Variants in METAP1 observed in about 807,000 individuals in gnomAD.
The protein encoded by METAP1 is methionyl aminopeptidase 1.
In METAP1, 28 loss-of-function variants were observed where a neutral mutation model predicts 53.8. The observed-to-expected ratio is 0.52, with a 90% CI of 0.39 to 0.71. METAP1 has a LOEUF of 0.71. Ranked by LOEUF, METAP1 falls within the 30% of genes least tolerant of loss-of-function variation. The pLI is 0.00. For missense variants in METAP1, 389 were observed against 479.8 expected (o/e 0.81, Z 1.77); for synonymous variants, 181 against 165.7 (o/e 1.09, Z -0.71).
chr4:99,009,634 C>T (rs1419304979), intron 1 of METAP1, among the ~76,000 whole-genome samples: 1 of 152,058 alleles, frequency 6.6e-6, no homozygotes, highest in African/African-American at 2.4e-5. Flanking sequence ...ATGTTGAGCA[C>T]GTTTCATATG....
chr4:99,052,806 G>T (rs1362560998), intron 9 of METAP1, among the ~76,000 whole-genome samples: 1 of 152,210 alleles, frequency 6.6e-6, no homozygotes, highest in Non-Finnish European at 1.5e-5. Context: ...TCTGTAGCTT[G>T]TGATATTGTT....
chr4:99,026,386 TTG>T, intron 1 of METAP1: 1 of 985,422 alleles, frequency 1.0e-6, no homozygotes, highest in Non-Finnish European at 1.2e-6. Context: ...CATGTTAAGC[TTG>T]TGTGTGGAGT....
Position 99,048,795 on chromosome 4 carries a change from G to A in METAP1, c.850G>A (p.Gly284Arg), listed in dbSNP as rs767490955. Residue 284 changes from glycine to arginine, a missense_variant, in exon 9 of 11, where the codon GGG becomes AGG. By Grantham distance (125) the Gly-to-Arg change is moderately radical. Coordinates refer to ENST00000296411, the MANE Select transcript of METAP1 (RefSeq NM_015143.3). ...NIIQKHAQANGFSVVRSYCGH... is the reference protein window; with the variant it reads ...NIIQKHAQANRFSVVRSYCGH... The stretch of plus-strand genomic sequence containing the variant: ...TATCCAGAAGCATGCCCAAGCAAAT[G>A]GGTTTTCAGTTGTTCGAAGCTATTG... The A allele has an allele frequency of 1.2e-6, 2 of 1,613,956 alleles. No individual in the cohort carries two copies. Among genetic ancestry groups the A allele is most frequent in the Non-Finnish European group, 1.7e-6 (2 of 1,179,856 alleles).
At chr4:99,059,317 A>T (rs1055710809) in intron 10 of METAP1, among the ~76,000 whole-genome samples, 1 of 152,252 alleles carries the variant, frequency 6.6e-6, no homozygotes, top group Admixed American at 6.5e-5. Flanking sequence ...CAATAAAATT[A>T]CAGTAGTAAT....
chr4:99,029,839 G>A (rs1724865683), intron 2 of METAP1, among the ~76,000 whole-genome samples: 1 of 151,906 alleles, frequency 6.6e-6, no homozygotes, highest in Non-Finnish European at 1.5e-5. Flanking sequence ...GAAGGAACAG[G>A]GAAATACAAA....
chr4:98,995,870 A>G lies in METAP1; in HGVS notation c.114+3A>G, dbSNP rs1722590350. The G allele has an allele frequency of 2.6e-6, 4 of 1,537,312 alleles. No individual in the cohort carries two copies. Among genetic ancestry groups the G allele is most frequent in the East Asian group, 2.5e-5 (1 of 39,256 alleles). ...AGGGCTCGTACTTCTGCTCGCAGGT[A>G]GGCGCCCGCTGCCCCGCGGATATGC... is the stretch of plus-strand genomic sequence containing the variant. On this transcript the variant is annotated splice_donor_region_variant and intron_variant, in intron 1 of 10. Transcript: ENST00000296411.
chr4:98,996,734 T>G (rs1434875339), intron 1 of METAP1, among the ~76,000 whole-genome samples: 2 of 152,212 alleles, frequency 1.3e-5, no homozygotes, highest in Non-Finnish European at 2.9e-5. Flanking sequence ...TGAAGAGTAC[T>G]AGTGTTGCTG....
Position 99,013,778 on chromosome 4 carries a change from G to A in METAP1, c.115-15089G>A, listed in dbSNP as rs567022958. Among the ~76,000 whole-genome samples the A allele has an allele frequency of 5.3e-5, 8 of 152,340 alleles. No homozygotes were observed. In the South Asian group the frequency reaches 8.3e-4, roughly 16 times the overall value. ...CCAAATAAGGAATGGCATGTATCCT[G>A]ATCTGGGACTCATTTAGCCTTATCT... On this transcript the variant is annotated intron_variant, in intron 1 of 10. Coordinates refer to ENST00000296411, the MANE Select transcript of METAP1 (RefSeq NM_015143.3).
intron 8 of METAP1, among the ~76,000 whole-genome samples, chr4:99,047,476 C>T (rs1003287115): frequency 3.3e-5 from 5 of 152,108 alleles, no homozygotes; most frequent in African/African-American, 1.2e-4. Context: ...ATAGGAAGGC[C>T]TGGATAGGAA....
Position 99,004,634 on chromosome 4 carries a change from C to T in METAP1, c.114+8767C>T, listed in dbSNP as rs377155468. ...GGAAAACAAGTGAAAACAGAAGGCTCCTTTTTCTTTGTCCCTCATCCAAGA... is the reference window on the plus strand; with the variant it reads ...GGAAAACAAGTGAAAACAGAAGGCTTCTTTTTCTTTGTCCCTCATCCAAGA... On this transcript the variant is annotated intron_variant, in intron 1 of 10. Transcript: ENST00000296411. Among the ~76,000 whole-genome samples, 5 of 152,202 alleles carry T rather than the reference C, an allele frequency of 3.3e-5. No individual in the cohort carries two copies. In the East Asian group the frequency reaches 7.7e-4, roughly 23 times the overall value.
intron 1 of METAP1, among the ~76,000 whole-genome samples, chr4:99,011,255 TTCTG>T (rs1396081722): frequency 1.3e-5 from 2 of 152,196 alleles, no homozygotes; most frequent in African/African-American, 4.8e-5. Context: ...ATGAAAAGCT[TTCTG>T]TCTTTCACCA....
At position 99,035,422 on chromosome 4, in the gene METAP1, G is replaced by A; in HGVS notation, c.302G>A (p.Ser101Asn). The A allele has an allele frequency of 6.5e-7, 1 of 1,548,948 alleles. No homozygotes were observed. The highest frequency in any genetic ancestry group is 8.7e-7 in the Non-Finnish European group (1 of 1,144,674). The stretch of plus-strand genomic sequence containing the variant: ...TAGATGCCAACAAGGCCAGTGCCAA[G>A]TTATATTCAAAGACCAGATTATGCT... ...YPLMPTRPVP[S>N]YIQRPDYADH... Residue 101 changes from serine (S) to asparagine (N), a missense_variant, in exon 4 of 11, where the codon AGT (serine) becomes AAT (asparagine). Physicochemically the swap from Ser to Asn is conservative, Grantham distance 46. Transcript: ENST00000296411.
intron 1 of METAP1, among the ~76,000 whole-genome samples, chr4:99,013,624 T>C (rs1723596039): frequency 6.6e-6 from 1 of 152,208 alleles, no homozygotes; most frequent in African/African-American, 2.4e-5. Context: ...CCCGTTCCCA[T>C]TGGCTGGGAT....
intron 9 of METAP1, 127 bp from the exon 10 acceptor site, chr4:99,057,626 A>G: frequency 1.4e-6 from 1 of 691,926 alleles, no homozygotes; most frequent in Non-Finnish European, 2.4e-6. Context: ...AACTTTAAGA[A>G]AGGGAATCAG....
At chr4:99,029,471 C>G (rs1394458241) in intron 2 of METAP1, among the ~76,000 whole-genome samples, 1 of 152,144 alleles carries the variant, frequency 6.6e-6, no homozygotes. Context: ...ACTGATGTAG[C>G]TGAGATTCAC....
intron 4 of METAP1, among the ~76,000 whole-genome samples, chr4:99,038,913 C>A (rs1399784367): frequency 1.3e-5 from 2 of 152,040 alleles, no homozygotes; most frequent in African/African-American, 4.8e-5. Context: ...TTAAGTGTAG[C>A]CTAATAAAAG....
intron 9 of METAP1, among the ~76,000 whole-genome samples, chr4:99,052,670 A>G (rs1420396366): frequency 6.6e-6 from 1 of 152,210 alleles, no homozygotes; most frequent in African/African-American, 2.4e-5. Flanking sequence ...ACTGGGAATT[A>G]CATTTCAACA....
chr4:99,017,240 C>T (rs1467742479), intron 1 of METAP1, among the ~76,000 whole-genome samples: 2 of 152,220 alleles, frequency 1.3e-5, no homozygotes, highest in African/African-American at 4.8e-5. Flanking sequence ...TTCATCAGGC[C>T]TCTGTCTGCC....
At chr4:99,013,220 A>G (rs760661444) in intron 1 of METAP1, among the ~76,000 whole-genome samples, 3 of 152,156 alleles carry the variant, frequency 2.0e-5, no homozygotes, top group South Asian at 4.1e-4. Context: ...CACATGTAAG[A>G]TTAATTTCAT....
Sources: gnomAD v4.1 joint callset for allele counts (sites outside exome capture counted in the v4.1 genomes callset) on GRCh38, gnomAD v4.1.1 for gene constraint, MANE v1.5 for transcripts, NCBI Gene and HGNC (gene_info 2026-07-23, HGNC 2026-07-21) for gene names.